Variants in CNTN6 observed in about 807,000 individuals in gnomAD.
CNTN6 encodes contactin-6.
In CNTN6, 137 loss-of-function variants were observed where a neutral mutation model predicts 122.8. That is an observed-to-expected ratio of 1.12 (90% confidence interval 0.97 to 1.29). The LOEUF (loss-of-function observed/expected upper bound fraction) is 1.29. Ranked by LOEUF, CNTN6 falls within the 50% of genes most tolerant of loss-of-function variation. The pLI, the probability that CNTN6 is intolerant of heterozygous loss-of-function variation, is 0.00. For missense variants in CNTN6, 1,634 were observed against 1,223.4 expected, an observed-to-expected ratio of 1.34 and a Z score of -5.01; for synonymous variants, 570 against 426.0, an observed-to-expected ratio of 1.34 and a Z score of -4.16.
At chr3:1,141,656 T>C (rs2092610959) in intron 1 of CNTN6, among the ~76,000 whole-genome samples, 1 of 152,162 alleles carries the variant, frequency 6.6e-6, no homozygotes, top group South Asian at 2.1e-4. Flanking sequence ...ATAAACAGTA[T>C]GTATTAATGC....
intron 5 of CNTN6, among the ~76,000 whole-genome samples, chr3:1,281,731 C>T (rs1179986807): frequency 1.3e-5 from 2 of 152,082 alleles, no homozygotes; most frequent in Admixed American, 6.5e-5. Flanking sequence ...AGCCATCGGG[C>T]GCAGCAAAGG....
chr3:1,389,156 C>A (rs907409651), intron 20 of CNTN6, among the ~76,000 whole-genome samples: 9 of 148,338 alleles, frequency 6.1e-5, no homozygotes, highest in East Asian at 2.0e-4. Context: ...TTAACGGCAG[C>A]CAGAGAGAAA....
chr3:1,109,866 C>G (rs2091399643), intron 1 of CNTN6, among the ~76,000 whole-genome samples: 2 of 151,892 alleles, frequency 1.3e-5, no homozygotes, highest in African/African-American at 2.4e-5. Flanking sequence ...ATGCTTCTTC[C>G]CATACTCTAT....
chr3:1,342,361 C>T (rs1421235456), intron 11 of CNTN6, among the ~76,000 whole-genome samples: 1 of 152,152 alleles, frequency 6.6e-6, no homozygotes, highest in East Asian at 1.9e-4. Flanking sequence ...AACTCCTGAC[C>T]TAGTTATCTG....
chr3:1,227,446 A>C (rs981925975), intron 3 of CNTN6, among the ~76,000 whole-genome samples: 2 of 152,074 alleles, frequency 1.3e-5, no homozygotes, highest in African/African-American at 4.8e-5. Flanking sequence ...TTTGACATTC[A>C]ATTTTGTGCT....
At chr3:1,384,151 G>A (rs1394673221) in intron 19 of CNTN6, among the ~76,000 whole-genome samples, 2 of 152,162 alleles carry the variant, frequency 1.3e-5, no homozygotes, top group Middle Eastern at 3.2e-3. Flanking sequence ...GTACAACTGT[G>A]CACACAGAGT....
intron 2 of CNTN6, among the ~76,000 whole-genome samples, chr3:1,215,709 A>G (rs1234589009): frequency 1.3e-5 from 2 of 152,120 alleles, no homozygotes; most frequent in Non-Finnish European, 2.9e-5. Context: ...TTGCTGCAAT[A>G]TATTTGCATA....
intron 20 of CNTN6, among the ~76,000 whole-genome samples, chr3:1,387,186 G>C (rs1210069142): frequency 6.6e-6 from 1 of 151,690 alleles, no homozygotes; most frequent in Non-Finnish European, 1.5e-5. Context: ...TACTGATTCT[G>C]GAAGCATCTT....
At chr3:1,177,898 ATTTTT>A (rs11303380) in intron 2 of CNTN6, among the ~76,000 whole-genome samples, 1 of 133,418 alleles carries the variant, frequency 7.5e-6, no homozygotes, top group Non-Finnish European at 1.6e-5. Flanking sequence ...TGCCCTTTCC[ATTTTT>A]TTTTTTTTTT....
At chr3:1,095,130 A>T (rs886862969) in intron 1 of CNTN6, among the ~76,000 whole-genome samples, 1 of 151,906 alleles carries the variant, frequency 6.6e-6, no homozygotes, top group African/African-American at 2.4e-5. Context: ...TATAGTCAAT[A>T]ATAGATACTC....
At chr3:1,236,191 C>T (rs2094419307) in intron 4 of CNTN6, among the ~76,000 whole-genome samples, 1 of 151,530 alleles carries the variant, frequency 6.6e-6, no homozygotes, top group South Asian at 2.1e-4. Context: ...CTGCCCACCA[C>T]CTGAGAAACC....
At chr3:1,262,394 G>C (rs894891734) in intron 4 of CNTN6, among the ~76,000 whole-genome samples, 1 of 152,156 alleles carries the variant, frequency 6.6e-6, no homozygotes, top group African/African-American at 2.4e-5. Context: ...GACACCTGTA[G>C]ATAAAGGAAC....
In CNTN6 at chr3:1,175,077, C is replaced by T. The variant is rs116323113; in HGVS notation, c.55+27014C>T. Among the ~76,000 whole-genome samples the T allele has an allele frequency of 9.8e-3, 1,487 of 151,730 alleles. 35 individuals are homozygous for T. The highest frequency in any genetic ancestry group is 0.034 in the African/African-American group (1,426 of 41,396). ...ATGGTGAGACCCCATCTACAAAAAACACAAAATTTGGCCAGGCATGGTGGT... is the reference window on the plus strand; with the variant it reads ...ATGGTGAGACCCCATCTACAAAAAATACAAAATTTGGCCAGGCATGGTGGT... On this transcript the variant is annotated intron_variant, in intron 2 of 22. Coordinates refer to ENST00000446702, the MANE Select transcript of CNTN6 (RefSeq NM_001289080.2).
At chr3:1,402,726 T>C (rs944790512) in intron 22 of CNTN6, 1 of 387,860 alleles carries the variant, frequency 2.6e-6, no homozygotes, top group African/African-American at 2.1e-5. Context: ...AAAAAATCTT[T>C]GTGTCATTAG....
chr3:1,334,051 A>C (rs1702698400), intron 11 of CNTN6, among the ~76,000 whole-genome samples: 2 of 152,272 alleles, frequency 1.3e-5, no homozygotes, highest in South Asian at 4.1e-4. Flanking sequence ...CTGTTTTAAG[A>C]GTTCTGTTCC....
chr3:1,278,478 C>A lies in CNTN6; in HGVS notation c.424C>A (p.Leu142Ile). Residue 142 changes from leucine to isoleucine, a missense_variant, in exon 5 of 23, where the codon CTT becomes ATT. Physicochemically the swap from Leu to Ile is conservative, Grantham distance 5. Coordinates refer to ENST00000446702, the MANE Select transcript of CNTN6 (RefSeq NM_001289080.2). ...TGTCCGAGAAGGTCAAGGTGTGGTG[C>A]TTCTCTGTGGCCCACCGCCACATTT... ...VSVREGQGVV[L>I]LCGPPPHFGD... The A allele has an allele frequency of 6.2e-7, 1 of 1,612,232 alleles. No individual in the cohort carries two copies. The highest frequency in any genetic ancestry group is 8.5e-7 in the Non-Finnish European group (1 of 1,178,736).
chr3:1,327,638 A>G (rs1559835311), intron 10 of CNTN6, 52 bp downstream of exon 10: 13 of 1,568,312 alleles, frequency 8.3e-6, no homozygotes, highest in African/African-American at 4.1e-5. Flanking sequence ...TTAACAAGCT[A>G]TAATTATGCA....
intron 2 of CNTN6, among the ~76,000 whole-genome samples, chr3:1,208,882 CTT>C (rs995697145): frequency 6.6e-6 from 1 of 152,104 alleles, no homozygotes; most frequent in African/African-American, 2.4e-5. Flanking sequence ...ATGTAATCCA[CTT>C]ATTTATTTTT....
chr3:1,375,946 T>C (rs1420188378), intron 16 of CNTN6, among the ~76,000 whole-genome samples: 2 of 152,042 alleles, frequency 1.3e-5, no homozygotes, highest in Non-Finnish European at 2.9e-5. Context: ...GTCTATATGG[T>C]GGGGAAAAAT....
Sources: gnomAD v4.1 joint callset for allele counts (sites outside exome capture counted in the v4.1 genomes callset) on GRCh38, gnomAD v4.1.1 for gene constraint, MANE v1.5 for transcripts, NCBI Gene and HGNC (gene_info 2026-07-23, HGNC 2026-07-21) for gene names.